GRB2: variants seen among roughly 807,000 people sequenced by gnomAD.
GRB2 encodes the protein growth factor receptor bound protein 2.
A neutral mutation model predicts 27.4 loss-of-function variants in GRB2; 2 were observed. The ratio of observed to expected loss-of-function variants is 0.07; its 90% CI spans 0.03 to 0.23. The LOEUF (loss-of-function observed/expected upper bound fraction) is 0.23. Among genes scored for constraint, GRB2 ranks in the 10% least tolerant of loss-of-function variants. GRB2 has a pLI of 1.00. For missense variants in GRB2, 102 were observed against 282.4 expected, an observed-to-expected ratio of 0.36 and a Z score of 4.58; for synonymous variants, 94 against 99.6, an observed-to-expected ratio of 0.94 and a Z score of 0.33.
chr17:75,331,211 G>T (rs1355966493), intron 3 of GRB2, among the ~76,000 whole-genome samples: 1 of 152,204 alleles, frequency 6.6e-6, no homozygotes, highest in Non-Finnish European at 1.5e-5. Flanking sequence ...ATAAATAAGG[G>T]TTTTTAAGTT....
At chr17:75,346,160 T>C (rs960984481) in intron 2 of GRB2, among the ~76,000 whole-genome samples, 1 of 78,300 alleles carries the variant, frequency 1.3e-5, no homozygotes, top group African/African-American at 3.9e-5. Context: ...TCTCGGCCAC[T>C]GATTTTTTTT....
chr17:75,398,944 C>T (rs917796360), intron 1 of GRB2, among the ~76,000 whole-genome samples: 3 of 151,902 alleles, frequency 2.0e-5, no homozygotes, highest in African/African-American at 2.4e-5. Flanking sequence ...GACAGGATTT[C>T]GCCATGTTGC....
chr17:75,389,408 A>T (rs964785191), intron 2 of GRB2, among the ~76,000 whole-genome samples: 1 of 152,086 alleles, frequency 6.6e-6, no homozygotes, highest in Admixed American at 6.6e-5. Flanking sequence ...GTGCAACCCG[A>T]CTCAAGTATA....
rs368917015 is a variant in GRB2 at position 75,329,368 on chromosome 17, G to A, written c.176+3332C>T. Reference sequence around the variant, plus strand: ...CCCTCAAACTCCCCAGAGGCAGCACGTGTTGGCGGTTCTAACACTTAGGTT... The same window carrying A: ...CCCTCAAACTCCCCAGAGGCAGCACATGTTGGCGGTTCTAACACTTAGGTT... On this transcript the variant is annotated intron_variant, in intron 3 of 5. Transcript: ENST00000316804. 1.2e-4 allele frequency among the ~76,000 whole-genome samples: 19 copies of A among 152,266 alleles called. No homozygotes were observed. The South Asian group carries it at 3.9e-3, about 32-fold the overall frequency.
At chr17:75,341,601 G>A (rs2078622022) in intron 2 of GRB2, among the ~76,000 whole-genome samples, 1 of 151,984 alleles carries the variant, frequency 6.6e-6, no homozygotes, top group Non-Finnish European at 1.5e-5. Flanking sequence ...AGGGAAGGAG[G>A]AAGGAAAGAC....
intron 2 of GRB2, among the ~76,000 whole-genome samples, chr17:75,337,018 G>A (rs2078581854): frequency 1.3e-5 from 2 of 152,204 alleles, no homozygotes; most frequent in Admixed American, 6.6e-5. Context: ...GATTATAGGC[G>A]TGAGCCATCA....
At chr17:75,381,257 TAA>T (rs2078925748) in intron 2 of GRB2, among the ~76,000 whole-genome samples, 1 of 152,164 alleles carries the variant, frequency 6.6e-6, no homozygotes, top group African/African-American at 2.4e-5. Flanking sequence ...TGACAATGCT[TAA>T]GAGAGATCTG....
chr17:75,403,326 G>A (rs1018944008), intron 1 of GRB2, among the ~76,000 whole-genome samples: 1 of 151,870 alleles, frequency 6.6e-6, no homozygotes, highest in Non-Finnish European at 1.5e-5. Flanking sequence ...TGTTGTATGT[G>A]TAACAATTAG....
At chr17:75,388,263 C>A (rs893020980) in intron 2 of GRB2, among the ~76,000 whole-genome samples, 1 of 151,846 alleles carries the variant, frequency 6.6e-6, no homozygotes. Flanking sequence ...CCACCGGGCC[C>A]GGCTGTTTTT....
intron 3 of GRB2, 30 bp downstream of exon 3, chr17:75,332,670 C>A (rs1016935400): frequency 7.6e-7 from 1 of 1,323,118 alleles, no homozygotes; most frequent in Non-Finnish European, 1.1e-6. Flanking sequence ...GTGGGTCCAA[C>A]CCTTCCAAGA....
At chr17:75,381,736 A>G (rs5015882) in intron 2 of GRB2, among the ~76,000 whole-genome samples, 65,022 of 105,908 alleles carry the variant, frequency 0.61, 22,682 homozygotes, top group East Asian at 0.86. Context: ...AAAAAAAAAG[A>G]AAAAAAAAAA....
At chr17:75,403,487 A>G (rs2079077339) in intron 1 of GRB2, among the ~76,000 whole-genome samples, 1 of 152,058 alleles carries the variant, frequency 6.6e-6, no homozygotes, top group Non-Finnish European at 1.5e-5. Flanking sequence ...TAAACGTTTG[A>G]GTTCAGGCCG....
chr17:75,394,702 T>C (rs2079019416), intron 1 of GRB2: 1 of 152,254 alleles, frequency 6.6e-6, no homozygotes, highest in African/African-American at 2.4e-5. Context: ...GGAAAGAAAG[T>C]GCAGGGAGAT....
In GRB2 at chr17:75,318,522, G is replaced by A. The variant is rs913528599; in HGVS notation, c.*1846C>T. ...GCAGTCTTGTTTTTGTCGTGGGAAG[G>A]GGTTTGGGTGGAGAAAAAGATTACA... On this transcript the variant is annotated 3_prime_UTR_variant, in exon 6 of 6. Coordinates refer to ENST00000316804, the MANE Select transcript of GRB2 (RefSeq NM_002086.5). 11 of 152,240 alleles carry A rather than the reference G, an allele frequency of 7.2e-5. No homozygotes were observed. Among genetic ancestry groups the A allele is most frequent in the Non-Finnish European group, 1.6e-4 (11 of 68,100 alleles). The allele number at this position is 152,240 out of a possible 1,614,324, so 9.4% of individuals were successfully genotyped here.
At chr17:75,354,680 GC>G (rs1327771748) in intron 2 of GRB2, among the ~76,000 whole-genome samples, 1 of 152,146 alleles carries the variant, frequency 6.6e-6, no homozygotes, top group South Asian at 2.1e-4. Context: ...TTCAAGAATT[GC>G]TGGAAGAGCC....
At chr17:75,384,211 G>T (rs1024017221) in intron 2 of GRB2, among the ~76,000 whole-genome samples, 1 of 152,182 alleles carries the variant, frequency 6.6e-6, no homozygotes, top group Non-Finnish European at 1.5e-5. Context: ...CCTGAGCACA[G>T]TCACAGTGAA....
At chr17:75,348,856 T>G (rs1054356093) in intron 2 of GRB2, among the ~76,000 whole-genome samples, 2 of 152,104 alleles carry the variant, frequency 1.3e-5, no homozygotes, top group Non-Finnish European at 2.9e-5. Context: ...TTGTATTTTT[T>G]GTAGAGATGC....
chr17:75,321,604 A>G, intron 5 of GRB2, 55 bp downstream of exon 5: 1 of 1,537,110 alleles, frequency 6.5e-7, no homozygotes, highest in East Asian at 2.3e-5. Flanking sequence ...AGGAATGCAC[A>G]CTGAGGAGCT....
At chr17:75,324,715 C>T (rs149067840) in intron 4 of GRB2, among the ~76,000 whole-genome samples, 2,525 of 151,862 alleles carry the variant, frequency 0.017, 27 homozygotes, top group Non-Finnish European at 0.026. Flanking sequence ...CAGGGTTTCA[C>T]CATGTTGGCC....
Sources: allele counts gnomAD v4.1 joint callset (sites outside exome capture counted in the v4.1 genomes callset), GRCh38; gene constraint gnomAD v4.1.1; transcripts MANE v1.5; gene names NCBI Gene and HGNC (gene_info 2026-07-23, HGNC 2026-07-21).